Variants in LRRC28 observed in about 807,000 individuals in gnomAD.
LRRC28 encodes leucine-rich repeat-containing protein 28.
Under a neutral mutation model 45.7 loss-of-function variants are expected in LRRC28, and 39 were observed. That is an observed-to-expected ratio of 0.85 (90% CI 0.66 to 1.12). LRRC28 has a LOEUF of 1.12. Ranked by LOEUF, LRRC28 falls within the 50% of genes most tolerant of loss-of-function variation. The pLI is 0.00. For missense variants in LRRC28, 435 were observed against 438.5 expected, an observed-to-expected ratio of 0.99 and a Z score of 0.07; for synonymous variants, 206 against 178.8, an observed-to-expected ratio of 1.15 and a Z score of -1.22.
At chr15:99,314,688 A>G (rs927357213) in intron 5 of LRRC28, among the ~76,000 whole-genome samples, 3 of 152,184 alleles carry the variant, frequency 2.0e-5, no homozygotes, top group Non-Finnish European at 4.4e-5. Flanking sequence ...AAACTGCTTT[A>G]AAGTGTATGA....
chr15:99,296,162 T>C (rs534764098), intron 5 of LRRC28, among the ~76,000 whole-genome samples: 1 of 152,318 alleles, frequency 6.6e-6, no homozygotes, highest in South Asian at 2.1e-4. Flanking sequence ...GCAGTGATTT[T>C]TCAGAGGTGC....
intron 5 of LRRC28, among the ~76,000 whole-genome samples, chr15:99,290,223 C>T (rs919301016): frequency 2.0e-5 from 3 of 150,200 alleles, no homozygotes; most frequent in African/African-American, 7.3e-5. Flanking sequence ...TGCACCACTG[C>T]ACTCCAGCCT....
rs117033787 is a variant in LRRC28, at chr15:99,346,202, G to C, written c.593-6167G>C. Reference sequence around the variant, plus strand: ...CATTCATTCATTTGTTTTGAGACAGGGTCTTGCTCTGTCACCCAGGCTAGC... The same window carrying C: ...CATTCATTCATTTGTTTTGAGACAGCGTCTTGCTCTGTCACCCAGGCTAGC... On this transcript the variant is annotated intron_variant, in intron 6 of 9. Coordinates refer to ENST00000301981, the MANE Select transcript of LRRC28 (RefSeq NM_144598.5). Among the ~76,000 whole-genome samples, 33 of 152,096 alleles carry C rather than the reference G, an allele frequency of 2.2e-4. No homozygotes were observed. The East Asian group carries it at 6.4e-3, about 30-fold the overall frequency.
At chr15:99,374,681 T>C (rs549931701) in intron 9 of LRRC28, among the ~76,000 whole-genome samples, 1 of 139,782 alleles carries the variant, frequency 7.2e-6, no homozygotes, top group South Asian at 2.2e-4. Context: ...TTCCAATCTC[T>C]TTTTTTTTTT....
At chr15:99,315,397 T>C (rs182765902) in intron 5 of LRRC28, among the ~76,000 whole-genome samples, 3 of 152,282 alleles carry the variant, frequency 2.0e-5, no homozygotes, top group African/African-American at 7.2e-5. Context: ...ACTTTCTTAT[T>C]CTCTTATTAT....
chr15:99,289,322 A>G (rs183938507), intron 5 of LRRC28, among the ~76,000 whole-genome samples: 30 of 152,342 alleles, frequency 2.0e-4, no homozygotes, highest in Admixed American at 5.2e-4. Context: ...AAGAATGAGC[A>G]GAGAAAGATA....
chr15:99,307,224 A>T (rs1955218264), intron 5 of LRRC28, among the ~76,000 whole-genome samples: 1 of 152,196 alleles, frequency 6.6e-6, no homozygotes, highest in Non-Finnish European at 1.5e-5. Flanking sequence ...TTGGGTAGGG[A>T]GAACGATACA....
intron 1 of LRRC28, among the ~76,000 whole-genome samples, chr15:99,253,477 C>T (rs748321565): frequency 1.8e-4 from 27 of 152,016 alleles, no homozygotes; most frequent in Non-Finnish European, 3.2e-4. Flanking sequence ...GCTTTCTAGG[C>T]TAAGAGGAGA....
At chr15:99,292,719 A>G (rs1281498744) in intron 5 of LRRC28, among the ~76,000 whole-genome samples, 2 of 152,198 alleles carry the variant, frequency 1.3e-5, no homozygotes, top group Admixed American at 6.5e-5. Flanking sequence ...GTATGTCCAC[A>G]TATAGCTTTC....
intron 9 of LRRC28, among the ~76,000 whole-genome samples, chr15:99,370,210 T>A (rs1489723346): frequency 6.6e-6 from 1 of 152,222 alleles, no homozygotes; most frequent in Admixed American, 6.5e-5. Flanking sequence ...TGCTGTTCAA[T>A]TAGCTACTAA....
At chr15:99,262,941 C>T (rs1567604233) in intron 2 of LRRC28, among the ~76,000 whole-genome samples, 1 of 152,000 alleles carries the variant, frequency 6.6e-6, no homozygotes, top group Non-Finnish European at 1.5e-5. Flanking sequence ...GCCACTGTGC[C>T]TGGCCAGAAC....
chr15:99,305,123 G>T (rs1478864822), intron 5 of LRRC28, among the ~76,000 whole-genome samples: 7 of 152,158 alleles, frequency 4.6e-5, no homozygotes, highest in African/African-American at 1.7e-4. Flanking sequence ...GGTGCCTTTT[G>T]CTGTGCTCTA....
At chr15:99,295,992 G>T (rs1336125515) in intron 5 of LRRC28, among the ~76,000 whole-genome samples, 1 of 152,190 alleles carries the variant, frequency 6.6e-6, no homozygotes, top group East Asian at 1.9e-4. Context: ...AAACCTCTGT[G>T]TTTATTGATC....
intron 5 of LRRC28, among the ~76,000 whole-genome samples, chr15:99,322,529 C>T (rs1038314349): frequency 1.3e-5 from 2 of 152,018 alleles, no homozygotes; most frequent in South Asian, 2.1e-4. Flanking sequence ...GTGTAAGTTA[C>T]AGTGGTGTTC....
chr15:99,343,467 C>T (rs7178755), intron 6 of LRRC28, among the ~76,000 whole-genome samples: 49,421 of 152,010 alleles, frequency 0.33, 10,274 homozygotes, highest in African/African-American at 0.6. Context: ...AGAATTGGAG[C>T]TTGTGCAGGA....
At chr15:99,328,312 A>G (rs553844906) in intron 5 of LRRC28, among the ~76,000 whole-genome samples, 1 of 152,352 alleles carries the variant, frequency 6.6e-6, no homozygotes, top group South Asian at 2.1e-4. Flanking sequence ...AGAACGCCTA[A>G]CATATAAAAT....
chr15:99,376,259 G>T (rs1045900829), intron 9 of LRRC28, among the ~76,000 whole-genome samples: 1 of 152,046 alleles, frequency 6.6e-6, no homozygotes, highest in Non-Finnish European at 1.5e-5. Flanking sequence ...AAGAACTGTG[G>T]TGTTTAATTT....
intron 9 of LRRC28, among the ~76,000 whole-genome samples, chr15:99,373,252 A>T (rs188314045): frequency 6.6e-6 from 1 of 152,170 alleles, no homozygotes; most frequent in Non-Finnish European, 1.5e-5. Context: ...GAATCCCCCA[A>T]AATGCACTTT....
chr15:99,361,361 G>T lies in LRRC28; in HGVS notation c.721G>T (p.Glu241Ter), dbSNP rs572424815. The T allele has an allele frequency of 6.2e-7, 1 of 1,613,202 alleles. No individual in the cohort carries two copies. Among genetic ancestry groups the T allele is most frequent in the African/African-American group, 1.3e-5 (1 of 74,952 alleles). ...CTGTGGTGCTCCCATTCAAGTTTCCGAGGTGAAGCTGCTTTCCTTTTCATC... is the reference window on the plus strand; with the variant it reads ...CTGTGGTGCTCCCATTCAAGTTTCCTAGGTGAAGCTGCTTTCCTTTTCATC... ...SGCGAPIQVS[E>*]VKLLSFSSGQ... The change falls in exon 8 of 10, where the codon GAG (glutamate) becomes TAG (stop). Residue 241 changes from glutamate (E) to a stop codon, truncating the protein, a stop_gained. Transcript: ENST00000301981. LOFTEE classifies it high-confidence loss of function.
Sources: gnomAD v4.1 joint callset for allele counts (sites outside exome capture counted in the v4.1 genomes callset) on GRCh38, gnomAD v4.1.1 for gene constraint, MANE v1.5 for transcripts, NCBI Gene and HGNC (gene_info 2026-07-23, HGNC 2026-07-21) for gene names.